The following ITGA4 variants were observed in gnomAD, a reference collection of about 807,000 sequenced individuals.
ITGA4 encodes integrin alpha-4.
In ITGA4, 63 loss-of-function variants were observed where a neutral mutation model predicts 133.6. The ratio of observed to expected loss-of-function variants is 0.47; its 90% confidence interval spans 0.38 to 0.58. The LOEUF is 0.58. Ranked by LOEUF, ITGA4 falls within the 20% of genes least tolerant of loss-of-function variation. The probability of loss-of-function intolerance (pLI) is 0.00; values close to 1 mark genes in which losing one functional copy is unlikely to be tolerated. For missense variants in ITGA4, 1,076 were observed against 1,252.7 expected, an observed-to-expected ratio of 0.86 and a Z score of 2.13; for synonymous variants, 483 against 438.0, an observed-to-expected ratio of 1.10 and a Z score of -1.28.
rs1276103075 is a variant in ITGA4, at chr2:181,537,380, T to A, written c.*1853T>A. The A allele has an allele frequency of 4.4e-6, 2 of 453,636 alleles. No individual in the cohort carries two copies. The highest frequency in any genetic ancestry group is 2.4e-5 in the Admixed American group (1 of 42,518). 28.1% of individuals were successfully genotyped at this position (453,636 alleles called of 1,614,324 possible). ...ATACAAGGGGAACACAATTACATATTGGGCTAGATTTTGCCCAGTTCAAAA... is the reference window on the plus strand; with the variant it reads ...ATACAAGGGGAACACAATTACATATAGGGCTAGATTTTGCCCAGTTCAAAA... On this transcript the variant is annotated 3_prime_UTR_variant, in exon 28 of 28. Coordinates refer to ENST00000397033, the MANE Select transcript of ITGA4 (RefSeq NM_000885.6).
intron 2 of ITGA4, among the ~76,000 whole-genome samples, chr2:181,464,082 A>G (rs1161660731): frequency 6.6e-6 from 1 of 152,084 alleles, no homozygotes; most frequent in Non-Finnish European, 1.5e-5. Flanking sequence ...CTGGAGAAGA[A>G]AAGAGGCTGA....
Position 181,523,269 on chromosome 2 carries a change from T to C in ITGA4, c.2074-168T>C. Reference sequence around the variant, plus strand: ...ATACATATATACACACATGCACACATATTTATATCATATGTCTATTTATCT... The same window carrying C: ...ATACATATATACACACATGCACACACATTTATATCATATGTCTATTTATCT... On this transcript the variant is annotated intron_variant, in intron 18 of 27. Transcript: ENST00000397033. This position sits in a 1 kb window ranked among gnomAD's most constrained non-coding sequence, Gnocchi z 4.2. 5 of 537,488 alleles carry C rather than the reference T, an allele frequency of 9.3e-6. No individual in the cohort carries two copies. In the East Asian group the frequency reaches 1.3e-4, roughly 14 times the overall value. 33.3% of individuals were successfully genotyped at this position (537,488 alleles called of 1,614,324 possible).
chr2:181,482,279 ATGTTT>A, intron 7 of ITGA4, 76 bp from the exon 8 acceptor site: 1 of 1,349,158 alleles, frequency 7.4e-7, no homozygotes, highest in South Asian at 1.5e-5. Context: ...GTAAAAATTC[ATGTTT>A]TGATCAAACA....
At chr2:181,486,069 G>A in intron 10 of ITGA4, 77 bp downstream of exon 10, 2 of 1,500,738 alleles carry the variant, frequency 1.3e-6, no homozygotes, top group Admixed American at 2.5e-5. Flanking sequence ...TTAAAGTTTT[G>A]TATTGTTTTC....
Position 181,529,524 on chromosome 2 carries a change from T to A in ITGA4, c.2431-17T>A, listed in dbSNP as rs201257387. On this transcript the variant is annotated splice_polypyrimidine_tract_variant and intron_variant, in intron 22 of 27. Transcript: ENST00000397033. ...AGAAAACATTTAATTTGTTAAAAAATTTTTCCTTCTTATCAGGTTATCAAC... is the reference window on the plus strand; with the variant it reads ...AGAAAACATTTAATTTGTTAAAAAAATTTTCCTTCTTATCAGGTTATCAAC... The A allele has an allele frequency of 6.1e-5, 80 of 1,308,742 alleles. No individual in the cohort carries two copies. The highest frequency in any genetic ancestry group is 3.2e-4 in the African/African-American group (22 of 68,016). The allele number at this position is 1,308,742 out of a possible 1,614,324, so 81.1% of individuals were successfully genotyped here. A position where few individuals can be genotyped will look rare whatever the true frequency, so the allele number is the denominator to read the frequency against.
chr2:181,474,286 G>A (rs1412764009), intron 2 of ITGA4, among the ~76,000 whole-genome samples: 1 of 152,130 alleles, frequency 6.6e-6, no homozygotes, highest in Non-Finnish European at 1.5e-5. Context: ...TTTTATTTAT[G>A]TTTGGCTATT....
At chr2:181,487,481 C>T (rs1685947994) in intron 10 of ITGA4, among the ~76,000 whole-genome samples, 1 of 152,160 alleles carries the variant, frequency 6.6e-6, no homozygotes, top group Non-Finnish European at 1.5e-5. Context: ...AAATTCAGGT[C>T]AGCGCTGCTC....
chr2:181,476,889 T>G (rs1034389835), intron 4 of ITGA4, among the ~76,000 whole-genome samples: 1 of 152,152 alleles, frequency 6.6e-6, no homozygotes. Flanking sequence ...ATACCACATG[T>G]TCTCACTTAT....
In ITGA4 at chr2:181,516,615, T is replaced by C. The variant is rs1686612328; in HGVS notation, c.1922+4840T>C. Reference sequence around the variant, plus strand: ...CTGTTTATCCCTGATTCTGTTATGGTTGAAGGAGAATGGAGTCGTCATGAT... The same window carrying C: ...CTGTTTATCCCTGATTCTGTTATGGCTGAAGGAGAATGGAGTCGTCATGAT... On this transcript the variant is annotated intron_variant, in intron 17 of 27. Transcript: ENST00000397033. This position sits in a 1 kb window ranked among gnomAD's most constrained non-coding sequence, Gnocchi z 4.0. 6.6e-6 allele frequency among the ~76,000 whole-genome samples: 1 copy of C among 152,088 alleles called. No individual in the cohort carries two copies. Among genetic ancestry groups the C allele is most frequent in the Admixed American group, 6.6e-5 (1 of 15,238 alleles).
chr2:181,466,521 A>G (rs1361487542), intron 2 of ITGA4, among the ~76,000 whole-genome samples: 1 of 152,110 alleles, frequency 6.6e-6, no homozygotes, highest in Non-Finnish European at 1.5e-5. Context: ...GCTGGAGGAA[A>G]AGAGTTCTAG....
At chr2:181,501,461 A>C (rs543180807) in intron 15 of ITGA4, among the ~76,000 whole-genome samples, 2 of 152,186 alleles carry the variant, frequency 1.3e-5, no homozygotes, top group Non-Finnish European at 2.9e-5. Flanking sequence ...AAGTCACATG[A>C]TCTAACATAC....
intron 9 of ITGA4, among the ~76,000 whole-genome samples, chr2:181,484,384 C>CTAGGGAATA (rs1559043281): frequency 3.9e-5 from 6 of 152,162 alleles, no homozygotes; most frequent in African/African-American, 1.4e-4. Context: ...AGAGTGATCA[C>CTAGGGAATA]CTCTTCCTAT....
chr2:181,525,154 G>C (rs1427492430), intron 20 of ITGA4, 48 bp from the exon 21 acceptor site: 1 of 1,086,970 alleles, frequency 9.2e-7, no homozygotes, highest in Non-Finnish European at 1.4e-6. Context: ...TCTCTCTGAA[G>C]ATTTTTCTGC....
In ITGA4 at chr2:181,535,626, TTC is replaced by T. The variant is rs1270101561; in HGVS notation, c.*101_*102del. 2 of 1,431,622 alleles carry T rather than the reference TTC, an allele frequency of 1.4e-6. No homozygotes were observed. The highest frequency in any genetic ancestry group is 1.5e-5 in the South Asian group (1 of 64,752). The allele number at this position is 1,431,622 out of a possible 1,614,324, so 88.7% of individuals were successfully genotyped here. The stretch of plus-strand genomic sequence containing the variant: ...AAGAAAAAATGAATTTTGTTTGGAC[TTC>T]TTTTACTCATGATCTTGTGACATAT... On this transcript the variant is annotated 3_prime_UTR_variant, in exon 28 of 28. Coordinates refer to ENST00000397033, the MANE Select transcript of ITGA4 (RefSeq NM_000885.6).
intron 2 of ITGA4, among the ~76,000 whole-genome samples, chr2:181,471,609 T>A (rs1242439778): frequency 6.6e-6 from 1 of 152,200 alleles, no homozygotes; most frequent in Non-Finnish European, 1.5e-5. Flanking sequence ...AGAAATTTTA[T>A]CTATATATTA....
chr2:181,461,397 G>C (rs990905631), intron 2 of ITGA4, among the ~76,000 whole-genome samples: 1 of 151,470 alleles, frequency 6.6e-6, no homozygotes, highest in African/African-American at 2.4e-5. Context: ...TTTTGTACCA[G>C]AGGAAAGTGG....
intron 15 of ITGA4, among the ~76,000 whole-genome samples, chr2:181,507,468 T>A (rs1182115331): frequency 6.6e-6 from 1 of 151,174 alleles, no homozygotes; most frequent in African/African-American, 2.4e-5. Context: ...CACATTTCTG[T>A]CTGCGTAGTG....
At chr2:181,458,465 C>G (rs1265304774) in intron 2 of ITGA4, 148 bp downstream of exon 2, 1 of 837,306 alleles carries the variant, frequency 1.2e-6, no homozygotes, top group Non-Finnish European at 1.9e-6. Context: ...TCTCATCTTG[C>G]CTCCTTAATA....
chr2:181,475,241 CT>C lies in ITGA4; in HGVS notation c.510del (p.Asp171IlefsTer6). ...LPTGGCYGVPPDLRTELSKRI... is the reference protein window; with the variant it reads ...LPTGGCYGVPXDLRTELSKRI... The stretch of plus-strand genomic sequence containing the variant: ...ACTGGTGGTTGCTATGGAGTGCCCC[CT>C]GATTTACGAACAGAACTGAGTAAAA... On this transcript the variant is annotated frameshift_variant, in exon 4 of 28. Coordinates refer to ENST00000397033, the MANE Select transcript of ITGA4 (RefSeq NM_000885.6). LOFTEE classifies it high-confidence loss of function. The C allele has an allele frequency of 6.2e-7, 1 of 1,612,984 alleles. No individual in the cohort carries two copies. The highest frequency in any genetic ancestry group is 8.5e-7 in the Non-Finnish European group (1 of 1,178,996).
Sources: gnomAD v4.1 joint callset for allele counts (sites outside exome capture counted in the v4.1 genomes callset) on GRCh38, gnomAD v4.1.1 for gene constraint, Gnocchi (gnomAD v3.1) non-coding constraint, MANE v1.5 for transcripts, NCBI Gene and HGNC (gene_info 2026-07-23, HGNC 2026-07-21) for gene names.